The following CFAP47 variants were observed in gnomAD, a reference collection of about 807,000 sequenced individuals.
The protein encoded by CFAP47 is cilia and flagella associated protein 47.
A neutral mutation model predicts 148.1 loss-of-function variants in CFAP47; 29 were observed. The observed-to-expected ratio is 0.20, with a 90% confidence interval of 0.15 to 0.27. The LOEUF (loss-of-function observed/expected upper bound fraction) is 0.27, where lower values mean the gene tolerates loss of function less well. Ranked by LOEUF, CFAP47 falls within the 10% of genes least tolerant of loss-of-function variation. The probability of loss-of-function intolerance (pLI) is 1.00; values close to 1 mark genes in which losing one functional copy is unlikely to be tolerated. For synonymous variants in CFAP47, 664 were observed against 577.3 expected (o/e 1.15, Z -2.15); for missense variants, 1,872 against 1,697.5 (o/e 1.10, Z -1.81).
chrX:36,384,489 C>T (rs1351494641), intron 63 of CFAP47, among the ~76,000 whole-genome samples: 2 of 112,024 alleles, frequency 1.8e-5, no homozygotes, highest in Non-Finnish European at 3.8e-5. Context: ...GTACTATTTC[C>T]ATTAGTTGGC....
At chrX:36,004,028 A>C (rs1936951497) in intron 21 of CFAP47, among the ~76,000 whole-genome samples, 1 of 90,171 alleles carries the variant, frequency 1.1e-5, no homozygotes, top group Admixed American at 1.4e-4. Context: ...GTTGGAGTGC[A>C]GTGGTGCGAT....
At chrX:36,172,301 G>A (rs1339729878) in intron 39 of CFAP47, among the ~76,000 whole-genome samples, 1 of 104,779 alleles carries the variant, frequency 9.5e-6, no homozygotes, top group African/African-American at 3.5e-5. Flanking sequence ...TCCTTCTCCT[G>A]CCTGACTGCC....
chrX:36,243,429 A>C (rs782481720), intron 48 of CFAP47, among the ~76,000 whole-genome samples: 20 of 109,417 alleles, frequency 1.8e-4, no homozygotes, highest in African/African-American at 6.6e-4. Flanking sequence ...TGCTGTCTTC[A>C]AGAGACCCGT....
chrX:36,115,222 C>A (rs1938619350), intron 33 of CFAP47, among the ~76,000 whole-genome samples: 1 of 111,451 alleles, frequency 9.0e-6, no homozygotes, highest in African/African-American at 3.3e-5. Flanking sequence ...CTACTTGTTT[C>A]TCTCTCCCAT....
intron 50 of CFAP47, among the ~76,000 whole-genome samples, chrX:36,282,205 T>C (rs782753058): frequency 5.8e-4 from 64 of 109,938 alleles, no homozygotes; most frequent in African/African-American, 2.1e-3. Flanking sequence ...AATATTAACA[T>C]GAGTTGTAAA....
chrX:35,960,122 G>A (rs1210886072), intron 8 of CFAP47, among the ~76,000 whole-genome samples: 1 of 102,713 alleles, frequency 9.7e-6, no homozygotes, highest in Admixed American at 1.1e-4. Flanking sequence ...TCTTTTTTTC[G>A]AGACAAGATA....
chrX:36,358,460 T>TAATGGTGCTAATGGTGCTTCTGCAGC (rs1941801823), intron 60 of CFAP47, among the ~76,000 whole-genome samples: 1 of 112,070 alleles, frequency 8.9e-6, no homozygotes. Flanking sequence ...ACAATGATGC[T>TAATGGTGCTAATGGTGCTTCTGCAGC]AATGGTGCTA....
intron 33 of CFAP47, among the ~76,000 whole-genome samples, chrX:36,117,791 T>G (rs976431884): frequency 8.9e-6 from 1 of 111,830 alleles, no homozygotes; most frequent in Non-Finnish European, 1.9e-5. Context: ...CCTGTGATTG[T>G]GGGGTATTAA....
intron 35 of CFAP47, among the ~76,000 whole-genome samples, chrX:36,142,942 G>A (rs1939168858): frequency 2.7e-5 from 3 of 109,826 alleles, no homozygotes; most frequent in African/African-American, 9.9e-5. Context: ...CAAACACAGG[G>A]CCCAGCAGAG....
chrX:36,044,327 T>A (rs937205191), intron 25 of CFAP47, among the ~76,000 whole-genome samples: 1 of 113,283 alleles, frequency 8.8e-6, no homozygotes, highest in Admixed American at 9.3e-5. Context: ...AAATGCTGTC[T>A]TCTTTTCTAC....
chrX:36,130,588 G>C (rs1488720543), intron 33 of CFAP47, among the ~76,000 whole-genome samples: 1 of 111,115 alleles, frequency 9.0e-6, no homozygotes, highest in Non-Finnish European at 1.9e-5. Flanking sequence ...ATATTCAAAA[G>C]ACAGGAAACC....
In CFAP47 at chrX:36,278,402, G is replaced by A. The variant is rs782044356; in HGVS notation, c.7445-2085G>A. 6.5e-3 allele frequency among the ~76,000 whole-genome samples: 730 copies of A among 113,100 alleles called. 1 individual carries two copies. The highest frequency in any genetic ancestry group is 0.022 in the African/African-American group (701 of 31,175). Reference sequence around the variant, plus strand: ...GGGCGTGGGACCCGCCAAGCCAGTCGTGGGATATAATCTCCTGGTGTGCCA... The same window carrying A: ...GGGCGTGGGACCCGCCAAGCCAGTCATGGGATATAATCTCCTGGTGTGCCA... On this transcript the variant is annotated intron_variant, in intron 49 of 63. Coordinates refer to ENST00000378653, the MANE Select transcript of CFAP47 (RefSeq NM_001304548.2).
chrX:36,232,946 G>C (rs1452472572), intron 46 of CFAP47, among the ~76,000 whole-genome samples: 1 of 111,947 alleles, frequency 8.9e-6, no homozygotes, highest in Admixed American at 9.5e-5. Flanking sequence ...TCTTAATCCT[G>C]AGTTCTAGTT....
intron 33 of CFAP47, among the ~76,000 whole-genome samples, chrX:36,115,364 C>T (rs1044047337): frequency 1.9e-4 from 21 of 111,840 alleles, no homozygotes; most frequent in African/African-American, 6.5e-4. Context: ...TTATTTATCA[C>T]AACACTTGGA....
At chrX:36,044,567 A>C (rs902461435) in intron 25 of CFAP47, among the ~76,000 whole-genome samples, 1 of 112,321 alleles carries the variant, frequency 8.9e-6, no homozygotes, top group Non-Finnish European at 1.9e-5. Context: ...GCGACATGCC[A>C]CCAGTCTCTT....
chrX:35,945,949 T>C lies in CFAP47; in HGVS notation c.518-2365T>C, dbSNP rs1027867867. 2.9e-5 allele frequency among the ~76,000 whole-genome samples: 3 copies of C among 102,183 alleles called. No homozygotes were observed. The East Asian group carries it at 9.7e-4, about 33-fold the overall frequency. 88.7% of individuals were successfully genotyped at this position (102,183 alleles called of 115,157 possible). ...GTGCAGCGGCGTGCTCTTGGCTCACTGCAACCTCCGCCTCCCAGGCTCAAC... is the reference window on the plus strand; with the variant it reads ...GTGCAGCGGCGTGCTCTTGGCTCACCGCAACCTCCGCCTCCCAGGCTCAAC... On this transcript the variant is annotated intron_variant, in intron 3 of 63. Transcript: ENST00000378653.
At chrX:36,056,900 T>C (rs1229251043) in intron 26 of CFAP47, among the ~76,000 whole-genome samples, 1 of 112,275 alleles carries the variant, frequency 8.9e-6, no homozygotes, top group Admixed American at 9.5e-5. Flanking sequence ...CCAGCCTGGT[T>C]GAACAAGTCC....
chrX:36,029,169 T>A (rs1937254351), intron 22 of CFAP47, among the ~76,000 whole-genome samples: 1 of 110,987 alleles, frequency 9.0e-6, no homozygotes, highest in Non-Finnish European at 1.9e-5. Flanking sequence ...AGTTTGTGAG[T>A]GTACAGTTGC....
At chrX:36,130,988 G>T (rs1303223272) in intron 33 of CFAP47, among the ~76,000 whole-genome samples, 1 of 110,441 alleles carries the variant, frequency 9.1e-6, no homozygotes, top group Non-Finnish European at 1.9e-5. Context: ...AGAATAGTTA[G>T]AAAGAATGAG....
Sources: gnomAD v4.1 joint callset for allele counts (sites outside exome capture counted in the v4.1 genomes callset) on GRCh38, gnomAD v4.1.1 for gene constraint, MANE v1.5 for transcripts, NCBI Gene and HGNC (gene_info 2026-07-23, HGNC 2026-07-21) for gene names.